Variants in PRUNE2 observed in about 807,000 individuals in gnomAD.
The protein encoded by PRUNE2 is protein prune homolog 2.
Under a neutral mutation model 252.0 loss-of-function variants are expected in PRUNE2, and 164 were observed. That is an observed-to-expected ratio of 0.65 (90% CI 0.57 to 0.74). PRUNE2 has a LOEUF of 0.74. Ranked by LOEUF, PRUNE2 falls within the 30% of genes least tolerant of loss-of-function variation. The probability of loss-of-function intolerance (pLI) is 0.00; values close to 1 mark genes in which losing one functional copy is unlikely to be tolerated. For synonymous variants in PRUNE2, 1,292 were observed against 1,350.2 expected, an observed-to-expected ratio of 0.96 and a Z score of 0.94; for missense variants, 3,495 against 3,711.0, an observed-to-expected ratio of 0.94 and a Z score of 1.51.
chr9:76,723,462 G>A (rs982161651), intron 6 of PRUNE2, among the ~76,000 whole-genome samples: 2 of 152,190 alleles, frequency 1.3e-5, no homozygotes, highest in Non-Finnish European at 2.9e-5. Context: ...AATTGCCAGA[G>A]GGGAGTAGAG....
Position 76,709,090 on chromosome 9 carries a change from C to T in PRUNE2, c.3184G>A (p.Gly1062Ser). ...ENELKTEHTD[G>S]KNISMEDDVG... The stretch of plus-strand genomic sequence containing the variant: ...TCATCCTCCATGGAGATATTCTTAC[C>T]ATCTGTGTGCTCTGTCTTGAGTTCA... Residue 1062 changes from glycine to serine, a missense_variant, in exon 8 of 19, where the codon GGT becomes AGT. Gly to Ser is a moderately conservative substitution (Grantham distance 56). Coordinates refer to ENST00000376718, the MANE Select transcript of PRUNE2 (RefSeq NM_015225.3). 1 of 1,613,940 alleles carries T rather than the reference C, an allele frequency of 6.2e-7. No individual in the cohort carries two copies. Among genetic ancestry groups the T allele is most frequent in the East Asian group, 2.2e-5 (1 of 44,872 alleles).
Position 76,659,819 on chromosome 9 carries a change from C to T in PRUNE2, c.8277-4317G>A, listed in dbSNP as rs189656809. 4.3e-4 allele frequency among the ~76,000 whole-genome samples: 64 copies of T among 149,050 alleles called. 1 individual carries two copies. The highest frequency in any genetic ancestry group is 1.4e-3 in the African/African-American group (57 of 40,652). On this transcript the variant is annotated intron_variant, in intron 9 of 18. Transcript: ENST00000376718. ...ATTATATGTAAACTTAAATCACTCA[C>T]GTAAAATAAATGGTGAGTGATTTAA...
At chr9:76,664,690 T>G (rs2039790969) in intron 9 of PRUNE2, among the ~76,000 whole-genome samples, 1 of 152,078 alleles carries the variant, frequency 6.6e-6, no homozygotes, top group South Asian at 2.1e-4. Flanking sequence ...CGAGCTAATT[T>G]TTAGGAGAGA....
intron 1 of PRUNE2, among the ~76,000 whole-genome samples, chr9:76,858,225 C>T (rs1382732010): frequency 6.6e-6 from 1 of 152,182 alleles, no homozygotes; most frequent in African/African-American, 2.4e-5. Flanking sequence ...ACAAAAATCC[C>T]ATCCCTCACT....
chr9:76,807,936 G>C (rs1348630440), intron 6 of PRUNE2, among the ~76,000 whole-genome samples: 1 of 152,214 alleles, frequency 6.6e-6, no homozygotes, highest in Non-Finnish European at 1.5e-5. Context: ...CCTTCACTTT[G>C]GGAGGCTGAG....
intron 12 of PRUNE2, chr9:76,644,424 A>C (rs1588074589): frequency 2.5e-6 from 1 of 402,242 alleles, no homozygotes; most frequent in East Asian, 6.2e-5. Context: ...CGTACAATGG[A>C]CTGATAAGAA....
rs762422182 is a variant in PRUNE2, at chr9:76,652,657, C to T, written c.8383G>A (p.Asp2795Asn). 1 of 1,612,022 alleles carries T rather than the reference C, an allele frequency of 6.2e-7. No individual in the cohort carries two copies. Among genetic ancestry groups the T allele is most frequent in the Non-Finnish European group, 8.5e-7 (1 of 1,178,344 alleles). The change falls in exon 11 of 19, where the codon GAC becomes AAC. Residue 2795 changes from aspartate (D) to asparagine (N), a missense_variant. Transcript: ENST00000376718. ...AGCTTGATTCTCCGAGGATGAGTGT[C>T]ATTAAGATCCAGAGAATTAGGAGGT... Reference protein sequence around the residue: ...PEPPNSLDLNDTHPRRIKLTA... With the variant: ...PEPPNSLDLNNTHPRRIKLTA...
At chr9:76,698,380 C>T (rs2045589499) in intron 9 of PRUNE2, among the ~76,000 whole-genome samples, 1 of 152,194 alleles carries the variant, frequency 6.6e-6, no homozygotes, top group African/African-American at 2.4e-5. Flanking sequence ...ACCACCAACT[C>T]ACCAACATAC....
intron 6 of PRUNE2, among the ~76,000 whole-genome samples, chr9:76,799,026 C>T (rs998869321): frequency 1.3e-5 from 2 of 152,158 alleles, no homozygotes; most frequent in African/African-American, 2.4e-5. Flanking sequence ...TTATGTGGGA[C>T]AATGTGATCA....
intron 9 of PRUNE2, among the ~76,000 whole-genome samples, chr9:76,698,327 G>A (rs1441827741): frequency 2.6e-5 from 4 of 152,284 alleles, no homozygotes; most frequent in East Asian, 1.9e-4. Flanking sequence ...GATTACAGGC[G>A]TGAGCCACCG....
rs1848870265 is a variant in PRUNE2 at position 76,655,582 on chromosome 9, C to T, written c.8277-80G>A. On this transcript the variant is annotated intron_variant, in intron 9 of 18. Transcript: ENST00000376718. Reference sequence around the variant, plus strand: ...CTTTTGAAAAGGAAACCCACAGAGTCCAGGATAACATTTTCAACTCACTTA... The same window carrying T: ...CTTTTGAAAAGGAAACCCACAGAGTTCAGGATAACATTTTCAACTCACTTA... The T allele has an allele frequency of 7.9e-6, 8 of 1,008,620 alleles. No homozygotes were observed. The African/African-American group carries it at 8.0e-5, about 10-fold the overall frequency. The allele number at this position is 1,008,620 out of a possible 1,614,324, so 62.5% of individuals were successfully genotyped here. A position where few individuals can be genotyped will look rare whatever the true frequency, so the allele number is the denominator to read the frequency against.
intron 9 of PRUNE2, among the ~76,000 whole-genome samples, chr9:76,685,018 C>T (rs1669168525): frequency 6.6e-6 from 1 of 152,144 alleles, no homozygotes; most frequent in Non-Finnish European, 1.5e-5. Context: ...TCCCAAAGTG[C>T]TGGGATTACA....
chr9:76,822,224 T>C (rs942378050), intron 6 of PRUNE2, among the ~76,000 whole-genome samples: 1 of 152,186 alleles, frequency 6.6e-6, no homozygotes, highest in Non-Finnish European at 1.5e-5. Flanking sequence ...GGAGCACTTA[T>C]CAATCTGAAA....
At chr9:76,670,496 G>C in intron 9 of PRUNE2, among the ~76,000 whole-genome samples, 1 of 151,692 alleles carries the variant, frequency 6.6e-6, no homozygotes, top group Non-Finnish European at 1.5e-5. Flanking sequence ...CCATTGCCCA[G>C]GCTTGATTAG....
At chr9:76,644,031 G>T (rs1362281125) in intron 12 of PRUNE2, among the ~76,000 whole-genome samples, 1 of 152,076 alleles carries the variant, frequency 6.6e-6, no homozygotes, top group East Asian at 1.9e-4. Context: ...TGCTGTCGAG[G>T]TTTTCTGAAG....
rs1460546155 is a variant in PRUNE2, at chr9:76,893,191, G to A, written c.36+12737C>T. ...GCCTACAAGTTCAAGGGTTCAGTGAGCCATGATCTTGCCACTGCACTCCAG... is the reference window on the plus strand; with the variant it reads ...GCCTACAAGTTCAAGGGTTCAGTGAACCATGATCTTGCCACTGCACTCCAG... On this transcript the variant is annotated intron_variant, in intron 1 of 18. Coordinates refer to ENST00000376718, the MANE Select transcript of PRUNE2 (RefSeq NM_015225.3). Among the ~76,000 whole-genome samples the A allele has an allele frequency of 3.9e-5, 6 of 152,316 alleles. No individual in the cohort carries two copies. In the East Asian group the frequency reaches 1.2e-3, roughly 29 times the overall value.
intron 7 of PRUNE2, 41 bp downstream of exon 7, chr9:76,713,522 T>C: frequency 2.6e-6 from 4 of 1,561,038 alleles, no homozygotes; most frequent in Non-Finnish European, 3.5e-6. Flanking sequence ...GCCAGCAGGT[T>C]AGGACAGAGG....
chr9:76,708,929 C>T lies in PRUNE2; in HGVS notation c.3345G>A (p.Trp1115Ter). 1.9e-6 allele frequency: 3 copies of T among 1,613,990 alleles called. No homozygotes were observed. Among genetic ancestry groups the T allele is most frequent in the Non-Finnish European group, 2.5e-6 (3 of 1,179,894 alleles). ...GAGTATCCTCCAAAATCACTCTGTT[C>T]CACAAGTCGAGACTGTCAGGGGCCG... is the stretch of plus-strand genomic sequence containing the variant. ...RQTAPDSLDL[W>*]NRVILEDTQS... Residue 1115 changes from tryptophan to a stop codon, truncating the protein, a stop_gained, in exon 8 of 19, where the codon TGG (tryptophan) becomes TGA (stop). Transcript: ENST00000376718. LOFTEE classifies it high-confidence loss of function.
At chr9:76,616,555 C>T (rs1829798637) in intron 18 of PRUNE2, among the ~76,000 whole-genome samples, 1 of 152,178 alleles carries the variant, frequency 6.6e-6, no homozygotes, top group Admixed American at 6.5e-5. Flanking sequence ...AACACTTACA[C>T]CAGGATGCCC....
Sources: allele counts gnomAD v4.1 joint callset (sites outside exome capture counted in the v4.1 genomes callset), GRCh38; gene constraint gnomAD v4.1.1; transcripts MANE v1.5; gene names NCBI Gene and HGNC (gene_info 2026-07-23, HGNC 2026-07-21).